The following PLXDC2 variants were observed in gnomAD, a reference collection of about 807,000 sequenced individuals.
PLXDC2 encodes plexin domain containing 2.
PLXDC2 carries 40 observed loss-of-function variants against 68.9 expected under a neutral mutation model. The observed-to-expected ratio is 0.58, with a 90% CI of 0.45 to 0.76. The LOEUF is 0.76. Ranked by LOEUF, PLXDC2 falls within the 30% of genes least tolerant of loss-of-function variation. The probability of loss-of-function intolerance (pLI) is 0.00; values close to 1 mark genes in which losing one functional copy is unlikely to be tolerated. For synonymous variants in PLXDC2, 243 were observed against 234.2 expected (o/e 1.04, Z -0.34); for missense variants, 644 against 661.9 (o/e 0.97, Z 0.30).
rs1159861096 is a variant in PLXDC2 at position 19,848,966 on chromosome 10, G to A, written c.112+31775G>A. Among the ~76,000 whole-genome samples, 6 of 152,092 alleles carry A rather than the reference G, an allele frequency of 3.9e-5. No individual in the cohort carries two copies. The South Asian group carries it at 8.3e-4, about 21-fold the overall frequency. On this transcript the variant is annotated intron_variant, in intron 1 of 13. Transcript: ENST00000377252. ...AAGTGAGAAGATTTGATTATGTGAC[G>A]AAGGAATCCCTGTTAATGTCCTATT...
chr10:20,266,610 A>C (rs1240261085), intron 13 of PLXDC2, among the ~76,000 whole-genome samples: 1 of 152,180 alleles, frequency 6.6e-6, no homozygotes, highest in Non-Finnish European at 1.5e-5. Flanking sequence ...TCAGTGAGAA[A>C]AGTAAATAAC....
At chr10:19,913,738 A>G (rs1833316227) in intron 1 of PLXDC2, among the ~76,000 whole-genome samples, 1 of 152,208 alleles carries the variant, frequency 6.6e-6, no homozygotes, top group African/African-American at 2.4e-5. Flanking sequence ...ATAAAAGAGT[A>G]TGCTGGGAGT....
intron 1 of PLXDC2, among the ~76,000 whole-genome samples, chr10:19,890,513 G>A (rs1205894941): frequency 1.4e-5 from 2 of 144,936 alleles, no homozygotes; most frequent in Non-Finnish European, 3.0e-5. Context: ...TTGGTTTTCT[G>A]AGAACTGCTT....
At chr10:19,960,789 C>T (rs975457888) in intron 1 of PLXDC2, among the ~76,000 whole-genome samples, 8 of 152,112 alleles carry the variant, frequency 5.3e-5, no homozygotes, top group East Asian at 1.9e-4. Flanking sequence ...AACATGAAAG[C>T]GACACAGACC....
chr10:19,982,446 GTACAGGCTGCTCTTTGCA>G (rs2131620963), intron 1 of PLXDC2, among the ~76,000 whole-genome samples: 2 of 152,214 alleles, frequency 1.3e-5, no homozygotes, highest in African/African-American at 4.8e-5. Flanking sequence ...TTCAGTTGTG[GTACAGGCTGCTCTTTGCA>G]GCCTAATCCA....
At chr10:20,113,553 T>C (rs2131750921) in intron 4 of PLXDC2, among the ~76,000 whole-genome samples, 1 of 152,236 alleles carries the variant, frequency 6.6e-6, no homozygotes, top group African/African-American at 2.4e-5. Flanking sequence ...GACAGCGAAT[T>C]ATTCTCTCAT....
intron 2 of PLXDC2, among the ~76,000 whole-genome samples, chr10:20,022,706 G>T (rs2131659610): frequency 6.6e-6 from 1 of 152,222 alleles, no homozygotes; most frequent in African/African-American, 2.4e-5. Context: ...TGGGTAACCA[G>T]AATGAGCTTA....
At position 20,173,406 on chromosome 10, in the gene PLXDC2, A is replaced by G. The variant is rs115584322; in HGVS notation, c.884-3593A>G. ...CTTTCAAGACAGAAAAATAAACTAGATCATGGCTAATCATGCCTCAAGGTA... is the reference window on the plus strand; with the variant it reads ...CTTTCAAGACAGAAAAATAAACTAGGTCATGGCTAATCATGCCTCAAGGTA... On this transcript the variant is annotated intron_variant, in intron 7 of 13. Coordinates refer to ENST00000377252, the MANE Select transcript of PLXDC2 (RefSeq NM_032812.9). Among the ~76,000 whole-genome samples the G allele has an allele frequency of 6.0e-3, 917 of 152,290 alleles. 5 individuals carry two copies. Among genetic ancestry groups the G allele is most frequent in the African/African-American group, 0.019 (788 of 41,570 alleles).
At position 20,275,104 on chromosome 10, in the gene PLXDC2, G is replaced by A. The variant is rs1194004057; in HGVS notation, c.1474-4599G>A. On this transcript the variant is annotated intron_variant, in intron 13 of 13. Transcript: ENST00000377252. ...CCTTCCCTTGGACAGTCAAACTGTC[G>A]AAGCTAAATATTGAAAGGTTGACCT... 2.6e-5 allele frequency among the ~76,000 whole-genome samples: 4 copies of A among 152,080 alleles called. No individual in the cohort carries two copies. In the South Asian group the frequency reaches 6.2e-4, roughly 24 times the overall value.
chr10:19,829,934 T>C (rs1380346144), intron 1 of PLXDC2, among the ~76,000 whole-genome samples: 1 of 152,210 alleles, frequency 6.6e-6, no homozygotes, highest in African/African-American at 2.4e-5. Context: ...TAGTTTTAAA[T>C]TTCTGAGCTT....
chr10:19,967,578 A>G (rs1213841312), intron 1 of PLXDC2, among the ~76,000 whole-genome samples: 1 of 152,218 alleles, frequency 6.6e-6, no homozygotes, highest in African/African-American at 2.4e-5. Context: ...TAATAAACAT[A>G]AGAGGAGATT....
intron 1 of PLXDC2, among the ~76,000 whole-genome samples, chr10:19,975,353 G>T (rs746363607): frequency 6.6e-6 from 1 of 152,110 alleles, no homozygotes; most frequent in Admixed American, 6.5e-5. Context: ...AGCTACTCGG[G>T]AGGCCGAGGC....
intron 1 of PLXDC2, among the ~76,000 whole-genome samples, chr10:19,824,401 G>C (rs1342058462): frequency 6.6e-6 from 1 of 152,078 alleles, no homozygotes; most frequent in Admixed American, 6.6e-5. Context: ...ATTTGTTTTG[G>C]AGATGGGAAA....
chr10:20,192,451 TA>T (rs1425043915), intron 9 of PLXDC2, among the ~76,000 whole-genome samples: 1 of 151,962 alleles, frequency 6.6e-6, no homozygotes, highest in Non-Finnish European at 1.5e-5. Flanking sequence ...AGGGTCCTCA[TA>T]AAAAAATTAA....
At chr10:20,008,645 T>G (rs1004000084) in intron 2 of PLXDC2, among the ~76,000 whole-genome samples, 12 of 152,150 alleles carry the variant, frequency 7.9e-5, no homozygotes, top group Admixed American at 1.3e-4. Flanking sequence ...AGAATCTCCA[T>G]GTTATGTTTG....
chr10:19,898,157 G>A (rs904435202), intron 1 of PLXDC2, among the ~76,000 whole-genome samples: 1 of 152,112 alleles, frequency 6.6e-6, no homozygotes, highest in Non-Finnish European at 1.5e-5. Flanking sequence ...AAAGAAGAGG[G>A]AAGCTAGTTT....
At chr10:19,869,200 C>G (rs1837484565) in intron 1 of PLXDC2, among the ~76,000 whole-genome samples, 1 of 151,942 alleles carries the variant, frequency 6.6e-6, no homozygotes, top group African/African-American at 2.4e-5. Context: ...AGTTTGAGAC[C>G]AGCTTGGGCC....
Position 20,279,833 on chromosome 10 carries a change from GAAC to G in PLXDC2, c.*19_*21del, listed in dbSNP as rs757515055. On this transcript the variant is annotated 3_prime_UTR_variant, in exon 14 of 14. Coordinates refer to ENST00000377252, the MANE Select transcript of PLXDC2 (RefSeq NM_032812.9). ...GAGCAGTGCTAAAATTTCTAGGACAGAACAACACCAGTACTGGTTTACAGGTGT... is the reference window on the plus strand; with the variant it reads ...GAGCAGTGCTAAAATTTCTAGGACAGAACACCAGTACTGGTTTACAGGTGT... 1.2e-6 allele frequency: 2 copies of G among 1,607,840 alleles called. No homozygotes were observed. Among genetic ancestry groups the G allele is most frequent in the Non-Finnish European group, 1.7e-6 (2 of 1,174,442 alleles).
chr10:19,893,905 G>C (rs1838009756), intron 1 of PLXDC2, among the ~76,000 whole-genome samples: 1 of 152,166 alleles, frequency 6.6e-6, no homozygotes, highest in Non-Finnish European at 1.5e-5. Flanking sequence ...CATGAGTAGA[G>C]TTTAGTAAAT....
Sources: gnomAD v4.1 joint callset for allele counts (sites outside exome capture counted in the v4.1 genomes callset) on GRCh38, gnomAD v4.1.1 for gene constraint, MANE v1.5 for transcripts, NCBI Gene and HGNC (gene_info 2026-07-23, HGNC 2026-07-21) for gene names.